Variants in GABRG1 observed in about 807,000 individuals in gnomAD.
GABRG1 encodes the protein gamma-aminobutyric acid type A receptor subunit gamma1.
GABRG1 carries 49 observed loss-of-function variants against 49.8 expected under a neutral mutation model. The observed-to-expected ratio is 0.98, with a 90% confidence interval of 0.78 to 1.25. The LOEUF (loss-of-function observed/expected upper bound fraction) is 1.25. Ranked by LOEUF, GABRG1 falls within the 50% of genes most tolerant of loss-of-function variation. GABRG1 has a pLI of 0.00. For synonymous variants in GABRG1, 232 were observed against 185.1 expected (o/e 1.25, Z -2.06); for missense variants, 552 against 552.3 (o/e 1.00, Z 0.01).
At chr4:46,082,081 A>G (rs879752052) in intron 3 of GABRG1, among the ~76,000 whole-genome samples, 1 of 151,836 alleles carries the variant, frequency 6.6e-6, no homozygotes, top group African/African-American at 2.4e-5. Flanking sequence ...AATGCATTCC[A>G]TGGGATCCAG....
intron 3 of GABRG1, among the ~76,000 whole-genome samples, chr4:46,069,519 G>C (rs1452067774): frequency 6.6e-6 from 1 of 152,006 alleles, no homozygotes; most frequent in Admixed American, 6.6e-5. Flanking sequence ...GTTTGAAATA[G>C]AAAAAGAAAT....
intron 7 of GABRG1, among the ~76,000 whole-genome samples, chr4:46,054,085 C>G (rs192049640): frequency 0.039 from 3,122 of 79,874 alleles, 809 homozygotes; most frequent in Middle Eastern, 0.06. Flanking sequence ...GTTTTCCCAG[C>G]ACCATTTATT....
At chr4:46,116,135 CAG>C in intron 1 of GABRG1, among the ~76,000 whole-genome samples, 1 of 150,980 alleles carries the variant, frequency 6.6e-6, no homozygotes, top group African/African-American at 2.4e-5. Flanking sequence ...TTCCTCAAAG[CAG>C]AGTGTAGAAA....
Position 46,065,520 on chromosome 4 carries a change from G to A in GABRG1, c.386C>T (p.Thr129Ile). The change falls in exon 4 of 9, where the codon ACC becomes ATC. Residue 129 changes from threonine to isoleucine, a missense_variant. Thr to Ile is a moderately conservative substitution (Grantham distance 89). Transcript: ENST00000295452. ...WFDSRLKFNS[T>I]MKVLMLNSNM... ...ACTGTTAAGCATAAGCACTTTCATG[G>A]TACTATTGAATTTTAAACGACTGTC... The A allele has an allele frequency of 6.9e-6, 11 of 1,589,274 alleles. No homozygotes were observed. The highest frequency in any genetic ancestry group is 8.6e-6 in the Non-Finnish European group (10 of 1,163,022).
chr4:46,058,448 T>G (rs760149181), intron 6 of GABRG1, 37 bp downstream of exon 6: 5 of 1,605,014 alleles, frequency 3.1e-6, no homozygotes, highest in Non-Finnish European at 4.3e-6. Context: ...TGTCATTTAA[T>G]GCTAGCATCA....
rs375029255 is a variant in GABRG1, at chr4:46,058,378, A to G, written c.764-9T>C. 1.6e-4 allele frequency: 261 copies of G among 1,599,616 alleles called. No homozygotes were observed. Among genetic ancestry groups the G allele is most frequent in the Non-Finnish European group, 2.0e-4 (239 of 1,175,184 alleles). On this transcript the variant is annotated splice_polypyrimidine_tract_variant and intron_variant, in intron 6 of 8. Coordinates refer to ENST00000295452, the MANE Select transcript of GABRG1 (RefSeq NM_173536.4). ...CATGATAACATAATCCCCTGTAAGA[A>G]AAAAAAGTTTTATTTTGGCTATATA... is the stretch of plus-strand genomic sequence containing the variant.
chr4:46,065,385 C>A lies in GABRG1; in HGVS notation c.521G>T (p.Gly174Val). The change falls in exon 4 of 9, where the codon GGA (glycine) becomes GTA (valine). Residue 174 changes from glycine (G) to valine (V), a missense_variant. Gly to Val is a moderately radical substitution (Grantham distance 109). Coordinates refer to ENST00000295452, the MANE Select transcript of GABRG1 (RefSeq NM_173536.4). ...PNRLLRIWNDGRVLYTLRLTI... is the reference protein window; with the variant it reads ...PNRLLRIWNDVRVLYTLRLTI... ...TTACCTTAGAGTATACAGAACTCGT[C>A]CATCATTCCAAATTCGAAGCAGACG... 1 of 1,607,614 alleles carries A rather than the reference C, an allele frequency of 6.2e-7. No individual in the cohort carries two copies. The highest frequency in any genetic ancestry group is 8.5e-7 in the Non-Finnish European group (1 of 1,174,352).
At chr4:46,062,355 T>C (rs903035198) in intron 5 of GABRG1, among the ~76,000 whole-genome samples, 1 of 152,104 alleles carries the variant, frequency 6.6e-6, no homozygotes, top group South Asian at 2.1e-4. Context: ...TGTGTCTTTA[T>C]AGCAGCATGA....
intron 2 of GABRG1, among the ~76,000 whole-genome samples, chr4:46,088,263 T>G (rs1719854933): frequency 6.6e-6 from 1 of 152,092 alleles, no homozygotes; most frequent in South Asian, 2.1e-4. Flanking sequence ...AACAGTCATA[T>G]GTAATGAAAA....
chr4:46,107,957 G>A (rs948895278), intron 1 of GABRG1, among the ~76,000 whole-genome samples: 1 of 151,108 alleles, frequency 6.6e-6, no homozygotes, highest in Admixed American at 6.6e-5. Flanking sequence ...ATATGTGATA[G>A]ACAAAAATCT....
At chr4:46,118,243 GATCTATCTATCT>G (rs71652878) in intron 1 of GABRG1, among the ~76,000 whole-genome samples, 144 of 144,540 alleles carry the variant, frequency 1.0e-3, no homozygotes, top group South Asian at 5.6e-3. Context: ...ATTACATATA[GATCTATCTATCT>G]ATCTATCTAT....
chr4:46,115,630 T>C (rs1448689901), intron 1 of GABRG1, among the ~76,000 whole-genome samples: 1 of 150,762 alleles, frequency 6.6e-6, no homozygotes, highest in Non-Finnish European at 1.5e-5. Flanking sequence ...GAAAAAATGA[T>C]TTAGGAGAAA....
intron 1 of GABRG1, among the ~76,000 whole-genome samples, chr4:46,100,323 G>A (rs77066912): frequency 0.019 from 2,836 of 151,638 alleles, 97 homozygotes; most frequent in African/African-American, 0.066. Context: ...GCATATCAGA[G>A]TGGGGAGGGT....
intron 1 of GABRG1, among the ~76,000 whole-genome samples, chr4:46,101,910 G>A (rs1213553686): frequency 2.0e-5 from 3 of 151,440 alleles, no homozygotes; most frequent in African/African-American, 7.3e-5. Context: ...AGACTTGATG[G>A]AAAAACAGAA....
At chr4:46,073,584 A>T (rs1452569061) in intron 3 of GABRG1, among the ~76,000 whole-genome samples, 1 of 151,998 alleles carries the variant, frequency 6.6e-6, no homozygotes, top group Non-Finnish European at 1.5e-5. Context: ...TCTAACTTGC[A>T]TGGAGCACGC....
rs774329749 is a variant in GABRG1, at chr4:46,065,356, A to G, written c.542+8T>C. On this transcript the variant is annotated splice_region_variant and intron_variant, in intron 4 of 8. Coordinates refer to ENST00000295452, the MANE Select transcript of GABRG1 (RefSeq NM_173536.4). Reference sequence around the variant, plus strand: ...GAGAGCAACTACAGATTTTTAAACCAATATTACCTTAGAGTATACAGAACT... The same window carrying G: ...GAGAGCAACTACAGATTTTTAAACCGATATTACCTTAGAGTATACAGAACT... The G allele has an allele frequency of 5.9e-6, 9 of 1,514,878 alleles. No homozygotes were observed. The East Asian group carries it at 2.0e-4, about 34-fold the overall frequency. The allele number at this position is 1,514,878 out of a possible 1,614,324, so 93.8% of individuals were successfully genotyped here. A position where few individuals can be genotyped will look rare whatever the true frequency, so the allele number is the denominator to read the frequency against.
chr4:46,065,911 A>AG (rs1171515612), intron 3 of GABRG1, among the ~76,000 whole-genome samples: 2 of 151,946 alleles, frequency 1.3e-5, no homozygotes, highest in African/African-American at 2.4e-5. Flanking sequence ...TTTAGTAGAG[A>AG]GGGGGTTTCA....
chr4:46,110,439 G>T (rs1720678801), intron 1 of GABRG1, among the ~76,000 whole-genome samples: 1 of 150,988 alleles, frequency 6.6e-6, no homozygotes, highest in African/African-American at 2.4e-5. Flanking sequence ...ACAGCAGATG[G>T]ATGGGTCTTG....
At chr4:46,116,394 A>G (rs886972074) in intron 1 of GABRG1, among the ~76,000 whole-genome samples, 1 of 150,856 alleles carries the variant, frequency 6.6e-6, no homozygotes, top group African/African-American at 2.4e-5. Flanking sequence ...TTAGAAAAAA[A>G]ATACAAATCG....
Sources: gnomAD v4.1 joint callset for allele counts (sites outside exome capture counted in the v4.1 genomes callset) on GRCh38, gnomAD v4.1.1 for gene constraint, MANE v1.5 for transcripts, NCBI Gene and HGNC (gene_info 2026-07-23, HGNC 2026-07-21) for gene names.